SSBP4: variants seen among roughly 807,000 people sequenced by gnomAD.
SSBP4 encodes the protein single-stranded DNA-binding protein 4.
In SSBP4, 33 loss-of-function variants were observed where a neutral mutation model predicts 64.6. The ratio of observed to expected loss-of-function variants is 0.51; its 90% confidence interval spans 0.39 to 0.68. SSBP4 has a LOEUF of 0.68. Ranked by LOEUF, SSBP4 falls within the 30% of genes least tolerant of loss-of-function variation. The probability of loss-of-function intolerance (pLI) is 0.00; values close to 1 mark genes in which losing one functional copy is unlikely to be tolerated. For missense variants in SSBP4, 583 were observed against 566.8 expected (o/e 1.03, Z -0.29); for synonymous variants, 243 against 224.0 (o/e 1.08, Z -0.76).
chr19:18,429,435 G>A (rs1272932344), intron 4 of SSBP4, among the ~76,000 whole-genome samples: 1 of 151,190 alleles, frequency 6.6e-6, no homozygotes, highest in Non-Finnish European at 1.5e-5. Flanking sequence ...TAACTGCTCA[G>A]GGCCTAGAGT....
At chr19:18,417,067 C>T (rs957242251), upstream of SSBP4, among the ~76,000 whole-genome samples, 1 of 151,994 alleles carries the variant, frequency 6.6e-6, no homozygotes, top group African/African-American at 2.4e-5. This position sits in a 1 kb window ranked among gnomAD's most constrained non-coding sequence, Gnocchi z 5.4. Flanking sequence ...GCCTCCCTCC[C>T]TCCTTCCCTC....
intron 11 of SSBP4, 23 bp from the exon 12 acceptor site, chr19:18,432,677 C>T (rs564819086): frequency 2.6e-6 from 4 of 1,562,990 alleles, no homozygotes; most frequent in East Asian, 2.3e-5. Context: ...TGGCTGACTG[C>T]TCACAGCTGC....
chr19:18,405,918 G>GA, the SSBP4 span, among the ~76,000 whole-genome samples: 19 of 151,806 alleles, frequency 1.3e-4, no homozygotes, highest in Non-Finnish European at 4.4e-5. Context: ...GTGCACCTGG[G>GA]AGGCGGAGCT....
At chr19:18,432,433 T>C in intron 10 of SSBP4, 126 bp from the exon 11 acceptor site, 1 of 1,424,864 alleles carries the variant, frequency 7.0e-7, no homozygotes, top group Non-Finnish European at 9.5e-7. Context: ...TGGCCACTTT[T>C]CCAGCAACAT....
chr19:18,434,424 G>C lies in SSBP4; in HGVS notation c.*178G>C. The C allele has an allele frequency of 1.6e-6, 2 of 1,214,836 alleles. No individual in the cohort carries two copies. The highest frequency in any genetic ancestry group is 2.2e-6 in the Non-Finnish European group (2 of 917,644). 75.3% of individuals were successfully genotyped at this position (1,214,836 alleles called of 1,614,324 possible). On this transcript the variant is annotated 3_prime_UTR_variant, in exon 18 of 18. Transcript: ENST00000270061. ...TTTTATTAAAAACGCAAGGACCTCAGAGACGTTCTTTTCTGTATGGACCCT... is the reference window on the plus strand; with the variant it reads ...TTTTATTAAAAACGCAAGGACCTCACAGACGTTCTTTTCTGTATGGACCCT...
chr19:18,417,518 G>A (rs1483634036), upstream of SSBP4, among the ~76,000 whole-genome samples: 4 of 152,226 alleles, frequency 2.6e-5, no homozygotes, highest in African/African-American at 9.6e-5. The surrounding 1 kb of genome is among the most constrained non-coding windows in gnomAD (Gnocchi z 5.4). Flanking sequence ...TGCCTCATTA[G>A]GAGTAGGCGC....
chr19:18,432,186 G>A lies in SSBP4; in HGVS notation c.676G>A (p.Ala226Thr), dbSNP rs147838337. 2.7e-3 allele frequency: 4,401 copies of A among 1,613,074 alleles called. 37 individuals are homozygous for A. Among genetic ancestry groups the A allele is most frequent in the Middle Eastern group, 0.016 (98 of 6,058 alleles). Reference protein sequence around the residue: ...GGMRPPPNSLAGPGLPAMNMG... With the variant: ...GGMRPPPNSLTGPGLPAMNMG... ...CATGCGACCCCCACCCAACTCCCTC[G>A]CCGGCCCAGGCCTGCCTGCCATGAA... The change falls in exon 10 of 18, where the codon GCC (alanine) becomes ACC (threonine). Residue 226 changes from alanine to threonine, a missense_variant. Transcript: ENST00000270061.
chr19:18,411,697 T>A, the SSBP4 span, among the ~76,000 whole-genome samples: 1 of 152,074 alleles, frequency 6.6e-6, no homozygotes, highest in African/African-American at 2.4e-5. Flanking sequence ...CCTGGATGCA[T>A]TTAACATAAT....
the SSBP4 span, among the ~76,000 whole-genome samples, chr19:18,405,603 G>T: frequency 6.6e-5 from 10 of 152,052 alleles, no homozygotes; most frequent in African/African-American, 2.2e-4. Context: ...CAGCCTCTGG[G>T]ACTCAGGTGA....
Position 18,432,548 on chromosome 19 carries a change from G to A in SSBP4, c.705-11G>A, listed in dbSNP as rs754970688. The A allele has an allele frequency of 7.7e-6, 12 of 1,567,512 alleles. No homozygotes were observed. The South Asian group carries it at 1.4e-4, about 18-fold the overall frequency. On this transcript the variant is annotated splice_polypyrimidine_tract_variant and intron_variant, in intron 10 of 17. Transcript: ENST00000270061. ...CTAGCCCCAGAGTCTGTCATCCGCG[G>A]TCTCTTCCAGGGGCCCAGGAGTTCG...
chr19:18,405,884 C>T, the SSBP4 span, among the ~76,000 whole-genome samples: 1 of 151,270 alleles, frequency 6.6e-6, no homozygotes, highest in African/African-American at 2.4e-5. Flanking sequence ...CCAGCTACTC[C>T]GGAGGCTGAG....
chr19:18,417,178 G>C (rs892835443), upstream of SSBP4, among the ~76,000 whole-genome samples: 1 of 151,932 alleles, frequency 6.6e-6, no homozygotes, highest in African/African-American at 2.4e-5. This position sits in a 1 kb window ranked among gnomAD's most constrained non-coding sequence, Gnocchi z 5.4. Flanking sequence ...GGCACTCCCT[G>C]AAATTAACCG....
the SSBP4 span, among the ~76,000 whole-genome samples, chr19:18,405,210 G>C: frequency 9.9e-5 from 15 of 152,230 alleles, no homozygotes; most frequent in Admixed American, 7.2e-4. Context: ...TGGCCCTGTG[G>C]AGTCAGATCA....
upstream of SSBP4, among the ~76,000 whole-genome samples, chr19:18,416,321 T>A (rs1284726357): frequency 6.6e-6 from 1 of 152,028 alleles, no homozygotes; most frequent in Non-Finnish European, 1.5e-5. Context: ...GGCCGGTTTT[T>A]TTAGTTTTTA....
Position 18,426,697 on chromosome 19 carries a change from G to A in SSBP4, c.60-654G>A, listed in dbSNP as rs569389880. Reference sequence around the variant, plus strand: ...GGGGTCCCTGGCAGGCTGGGGACTCGCGCAGAGCCCTGTGGGTGTTTGGGT... The same window carrying A: ...GGGGTCCCTGGCAGGCTGGGGACTCACGCAGAGCCCTGTGGGTGTTTGGGT... On this transcript the variant is annotated intron_variant, in intron 1 of 17. Transcript: ENST00000270061. This position sits in a 1 kb window ranked among gnomAD's most constrained non-coding sequence, Gnocchi z 4.5. 3.9e-5 allele frequency among the ~76,000 whole-genome samples: 6 copies of A among 152,240 alleles called. No individual in the cohort carries two copies. The highest frequency in any genetic ancestry group is 1.9e-4 in the East Asian group (1 of 5,182).
rs189441576 is a variant in SSBP4 at position 18,427,166 on chromosome 19, G to A, written c.60-185G>A. ...CGTGGAACACAGCCGAATTCGGCCC[G>A]GAATTGGGGGTCACGGATGCCTGGG... On this transcript the variant is annotated intron_variant, in intron 1 of 17. Transcript: ENST00000270061. The surrounding 1 kb of genome is among the most constrained non-coding windows in gnomAD (Gnocchi z 4.4). 2.7e-3 allele frequency among the ~76,000 whole-genome samples: 413 copies of A among 152,312 alleles called. 5 individuals are homozygous for A. The highest frequency in any genetic ancestry group is 3.2e-3 in the Non-Finnish European group (219 of 68,022).
At chr19:18,404,909 A>G in the SSBP4 span, among the ~76,000 whole-genome samples, 1 of 150,846 alleles carries the variant, frequency 6.6e-6, no homozygotes, top group South Asian at 2.1e-4. Flanking sequence ...AAAAAAAAAA[A>G]AAGATAAATA....
At chr19:18,419,089 G>A, upstream of SSBP4, 1 of 985,608 alleles carries the variant, frequency 1.0e-6, no homozygotes, top group Non-Finnish European at 1.2e-6. Flanking sequence ...GCTATGTTGA[G>A]TGTCGCTGCG....
At chr19:18,408,102 A>C in the SSBP4 span, among the ~76,000 whole-genome samples, 1 of 152,194 alleles carries the variant, frequency 6.6e-6, no homozygotes, top group East Asian at 1.9e-4. Flanking sequence ...GTCGTGGGGA[A>C]ATAAAACGTG....
Sources: allele counts gnomAD v4.1 joint callset (sites outside exome capture counted in the v4.1 genomes callset), GRCh38; gene constraint gnomAD v4.1.1; non-coding constraint Gnocchi (gnomAD v3.1); transcripts MANE v1.5; gene names NCBI Gene and HGNC (gene_info 2026-07-23, HGNC 2026-07-21).